Variants in GALNT16 observed in about 807,000 individuals in gnomAD.
GALNT16 encodes UDP-GalNAc:polypeptide N-acetylgalactosaminyltransferase-like protein 1.
GALNT16 carries 40 observed loss-of-function variants against 76.1 expected under a neutral mutation model. That is an observed-to-expected ratio of 0.53 (90% CI 0.41 to 0.68). GALNT16 has a LOEUF of 0.68. Ranked by LOEUF, GALNT16 falls within the 30% of genes least tolerant of loss-of-function variation. GALNT16 has a pLI of 0.00. For missense variants in GALNT16, 621 were observed against 731.9 expected (o/e 0.85, Z 1.75); for synonymous variants, 276 against 285.2 (o/e 0.97, Z 0.32).
chr14:69,322,089 T>C (rs548713053), intron 2 of GALNT16, among the ~76,000 whole-genome samples: 8 of 152,192 alleles, frequency 5.3e-5, no homozygotes, highest in Non-Finnish European at 1.2e-4. Context: ...CAAGGTGAGA[T>C]GAACACAGGG....
the GALNT16 span, among the ~76,000 whole-genome samples, chr14:69,367,729 C>T: frequency 7.0e-6 from 1 of 142,856 alleles, no homozygotes; most frequent in Non-Finnish European, 1.5e-5. Context: ...ATAATCCTAG[C>T]GCTTTGGGAA....
intron 12 of GALNT16, among the ~76,000 whole-genome samples, chr14:69,344,237 G>A (rs747671875): frequency 5.9e-5 from 9 of 152,244 alleles, no homozygotes; most frequent in Non-Finnish European, 1.2e-4. Context: ...CTCAGGAACT[G>A]CTAATTTATT....
intron 1 of GALNT16, among the ~76,000 whole-genome samples, chr14:69,268,481 C>T (rs545047922): frequency 6.6e-6 from 1 of 152,276 alleles, no homozygotes; most frequent in African/African-American, 2.4e-5. Context: ...AAGGCCTAGC[C>T]AGGAAGGGCC....
the GALNT16 span, among the ~76,000 whole-genome samples, chr14:69,377,968 T>C: frequency 1.3e-5 from 2 of 152,182 alleles, no homozygotes; most frequent in Admixed American, 1.3e-4. Context: ...TGATGTAAAG[T>C]TGACAATCAT....
Position 69,333,665 on chromosome 14 carries a change from G to C in GALNT16, c.967+65G>C. The C allele has an allele frequency of 1.1e-6, 1 of 878,630 alleles. No individual in the cohort carries two copies. 54.4% of individuals were successfully genotyped at this position (878,630 alleles called of 1,614,324 possible). A position where few individuals can be genotyped will look rare whatever the true frequency, so the allele number is the denominator to read the frequency against. On this transcript the variant is annotated intron_variant, in intron 9 of 14. Coordinates refer to ENST00000448469, the MANE Select transcript of GALNT16 (RefSeq NM_001168368.2). The surrounding 1 kb of genome is among the most constrained non-coding windows in gnomAD (Gnocchi z 4.2). ...GTAATAACCACAGTTAACCCTGACA[G>C]AGCACTTTCTATGCGTGAGGACCTG...
intron 5 of GALNT16, among the ~76,000 whole-genome samples, chr14:69,327,331 C>T (rs1455083992): frequency 1.3e-5 from 2 of 152,102 alleles, no homozygotes; most frequent in African/African-American, 4.8e-5. Context: ...GCACTCCAGC[C>T]TGGGTGACAG....
intron 1 of GALNT16, among the ~76,000 whole-genome samples, chr14:69,275,018 G>C (rs1032117878): frequency 2.0e-5 from 3 of 152,220 alleles, no homozygotes; most frequent in Non-Finnish European, 4.4e-5. Context: ...AACAGATTCT[G>C]TGAAGGATCT....
rs184736034 is a variant in GALNT16, at chr14:69,325,816, G to C, written c.503-146G>C. The C allele has an allele frequency of 4.4e-6, 3 of 677,556 alleles. No homozygotes were observed. In the Admixed American group the frequency reaches 6.2e-5, roughly 14 times the overall value. 42.0% of individuals were successfully genotyped at this position (677,556 alleles called of 1,614,324 possible). ...TGAGAGTGGGGCAGGGCAACCCTTC[G>C]GCCAGTAGTGATGACCATACCTCTT... On this transcript the variant is annotated intron_variant, in intron 4 of 14. Transcript: ENST00000448469.
chr14:69,276,629 C>T (rs760288831), intron 1 of GALNT16, among the ~76,000 whole-genome samples: 3 of 150,956 alleles, frequency 2.0e-5, no homozygotes, highest in Non-Finnish European at 2.9e-5. Context: ...TGCAGTGAGC[C>T]GAGATCACGC....
chr14:69,381,988 GCCT>G, the GALNT16 span, among the ~76,000 whole-genome samples: 1 of 152,194 alleles, frequency 6.6e-6, no homozygotes, highest in Non-Finnish European at 1.5e-5. Context: ...ACCGCACCTG[GCCT>G]CCTTTTTCAT....
rs920701673 is a variant in GALNT16, at chr14:69,348,505, G to A, written c.1539+503G>A. 2.3e-5 allele frequency: 4 copies of A among 176,904 alleles called. 1 individual carries two copies. In the South Asian group the frequency reaches 6.7e-4, roughly 29 times the overall value. The allele number at this position is 176,904 out of a possible 1,614,324, so 11.0% of individuals were successfully genotyped here. A position where few individuals can be genotyped will look rare whatever the true frequency, so the allele number is the denominator to read the frequency against. ...AGCTGGGATTCAAACCCAGGTCAGT[G>A]ACTTCTAGGCCCACAGTCTTAACCC... is the stretch of plus-strand genomic sequence containing the variant. On this transcript the variant is annotated intron_variant, in intron 14 of 14. Coordinates refer to ENST00000448469, the MANE Select transcript of GALNT16 (RefSeq NM_001168368.2).
intron 1 of GALNT16, among the ~76,000 whole-genome samples, chr14:69,281,037 C>T (rs1431123398): frequency 1.3e-5 from 2 of 152,036 alleles, no homozygotes; most frequent in African/African-American, 2.4e-5. Context: ...ACCCCCGAGA[C>T]CAGGGCAGCA....
Position 69,347,043 on chromosome 14 carries a change from C to A in GALNT16, c.1275C>A (p.Val425=). ...YLENVYPELT[V]PVKEALPGII... is the part of the protein sequence containing the mutation. ...TGACTGCTGCCTTTTCTCTCAGGGTCCCCGTGAAGGAAGCACTCCCCGGCA... is the reference window on the plus strand; with the variant it reads ...TGACTGCTGCCTTTTCTCTCAGGGTACCCGTGAAGGAAGCACTCCCCGGCA... The change falls in exon 13 of 15, where the codon GTC becomes GTA. Residue 425 remains valine (V), a synonymous_variant. Coordinates refer to ENST00000448469, the MANE Select transcript of GALNT16 (RefSeq NM_001168368.2). The A allele has an allele frequency of 6.2e-7, 1 of 1,614,062 alleles. No individual in the cohort carries two copies. Among genetic ancestry groups the A allele is most frequent in the South Asian group, 1.1e-5 (1 of 91,082 alleles).
At chr14:69,264,374 G>C (rs527852996) in intron 1 of GALNT16, among the ~76,000 whole-genome samples, 1 of 152,254 alleles carries the variant, frequency 6.6e-6, no homozygotes, top group African/African-American at 2.4e-5. Context: ...GCAGATGATA[G>C]CTCCATTTCT....
the GALNT16 span, chr14:69,380,721 A>T: frequency 2.6e-6 from 2 of 772,464 alleles, no homozygotes; most frequent in Non-Finnish European, 4.6e-6. Context: ...TAACTGCCCA[A>T]TGATGGCATA....
the GALNT16 span, among the ~76,000 whole-genome samples, chr14:69,376,824 T>C: frequency 2.6e-5 from 4 of 152,130 alleles, no homozygotes; most frequent in Non-Finnish European, 5.9e-5. Flanking sequence ...AGACATGGCC[T>C]TGTGTTTCTC....
intron 5 of GALNT16, 118 bp downstream of exon 5, chr14:69,326,145 A>T: frequency 2.5e-6 from 2 of 785,936 alleles, no homozygotes; most frequent in Non-Finnish European, 4.5e-6. Context: ...TGCATTCCTG[A>T]TGGCTGAGAC....
At chr14:69,293,660 G>A (rs948730025) in intron 1 of GALNT16, among the ~76,000 whole-genome samples, 2 of 152,200 alleles carry the variant, frequency 1.3e-5, no homozygotes, top group African/African-American at 4.8e-5. Context: ...CCACAGGCAA[G>A]TCACTTAACC....
chr14:69,330,630 G>C (rs2045341043), intron 6 of GALNT16, among the ~76,000 whole-genome samples: 1 of 152,174 alleles, frequency 6.6e-6, no homozygotes, highest in Non-Finnish European at 1.5e-5. Context: ...CCTGATCTAG[G>C]GTGGGAACTG....
Sources: gnomAD v4.1 joint callset for allele counts (sites outside exome capture counted in the v4.1 genomes callset) on GRCh38, gnomAD v4.1.1 for gene constraint, Gnocchi (gnomAD v3.1) non-coding constraint, MANE v1.5 for transcripts, NCBI Gene and HGNC (gene_info 2026-07-23, HGNC 2026-07-21) for gene names.